Variants in ADAM19 observed in about 807,000 individuals in gnomAD.
The protein encoded by ADAM19 is disintegrin and metalloproteinase domain-containing protein 19.
ADAM19 carries 65 observed loss-of-function variants against 114.7 expected under a neutral mutation model. That is an observed-to-expected ratio of 0.57 (90% CI 0.46 to 0.70). ADAM19 has a LOEUF of 0.70. Among genes scored for constraint, ADAM19 ranks in the 30% least tolerant of loss-of-function variants. The pLI, the probability that ADAM19 is intolerant of heterozygous loss-of-function variation, is 0.00. For missense variants in ADAM19, 1,063 were observed against 1,204.7 expected (o/e 0.88, Z 1.74); for synonymous variants, 466 against 460.5 (o/e 1.01, Z -0.15).
chr5:157,555,139 T>C (rs568136923), intron 3 of ADAM19, among the ~76,000 whole-genome samples: 2 of 152,334 alleles, frequency 1.3e-5, no homozygotes, highest in Non-Finnish European at 2.9e-5. Context: ...TTTCACATCC[T>C]GGCCCTGCTC....
chr5:157,499,289 T>C (rs1191630346), intron 13 of ADAM19, among the ~76,000 whole-genome samples: 1 of 151,446 alleles, frequency 6.6e-6, no homozygotes, highest in African/African-American at 2.4e-5. Flanking sequence ...ATGAGCTCAA[T>C]AAAATCAAGC....
chr5:157,574,794 A>T (rs1757928175), intron 1 of ADAM19, among the ~76,000 whole-genome samples: 1 of 152,204 alleles, frequency 6.6e-6, no homozygotes, highest in Admixed American at 6.5e-5. Context: ...AAACACGGAC[A>T]TCACCCGGCA....
chr5:157,542,742 C>T (rs145699859), intron 3 of ADAM19, among the ~76,000 whole-genome samples: 2,123 of 152,310 alleles, frequency 0.014, 40 homozygotes, highest in African/African-American at 0.048. Context: ...GAGGCGGAAG[C>T]TGCAGTAAGC....
chr5:157,544,533 C>T (rs1363237059), intron 3 of ADAM19, among the ~76,000 whole-genome samples: 3 of 152,190 alleles, frequency 2.0e-5, no homozygotes. Flanking sequence ...CTTCAGGCCT[C>T]CCTCGTGGCT....
In ADAM19 at chr5:157,478,661, A is replaced by T. The variant is rs1477461288; in HGVS notation, c.*2288T>A. On this transcript the variant is annotated 3_prime_UTR_variant, in exon 23 of 23. Transcript: ENST00000257527. ...CCCTGAACAGAGCCAGGAGTGAAGC[A>T]TTAGTAGAACTGGTTGCCGAAAGTC... The T allele has an allele frequency of 2.0e-6, 2 of 985,794 alleles. No homozygotes were observed. The allele number at this position is 985,794 out of a possible 1,614,324, so 61.1% of individuals were successfully genotyped here. A position where few individuals can be genotyped will look rare whatever the true frequency, so the allele number is the denominator to read the frequency against.
intron 7 of ADAM19, among the ~76,000 whole-genome samples, chr5:157,516,040 G>A (rs1009598756): frequency 2.6e-5 from 4 of 152,212 alleles, no homozygotes; most frequent in Non-Finnish European, 5.9e-5. Context: ...TGTCTCTGCA[G>A]CAGGTTATAA....
chr5:157,539,996 C>G (rs886672205), intron 3 of ADAM19, among the ~76,000 whole-genome samples: 1 of 152,216 alleles, frequency 6.6e-6, no homozygotes, highest in Non-Finnish European at 1.5e-5. Context: ...TTCACTGCCT[C>G]TACGGCCGTG....
intron 1 of ADAM19, among the ~76,000 whole-genome samples, chr5:157,572,523 T>C (rs963780145): frequency 6.6e-6 from 1 of 152,160 alleles, no homozygotes; most frequent in Non-Finnish European, 1.5e-5. Flanking sequence ...AGTTGTTCTG[T>C]TAGAGTGGTG....
At chr5:157,532,671 C>T (rs55638884) in intron 4 of ADAM19, among the ~76,000 whole-genome samples, 3 of 152,148 alleles carry the variant, frequency 2.0e-5, no homozygotes, top group Non-Finnish European at 2.9e-5. Context: ...TTTCTCTTTT[C>T]CCCCATCTCT....
At chr5:157,554,451 A>AT (rs748368537) in intron 3 of ADAM19, among the ~76,000 whole-genome samples, 1 of 152,176 alleles carries the variant, frequency 6.6e-6, no homozygotes, top group Non-Finnish European at 1.5e-5. Flanking sequence ...CCAACCTCAT[A>AT]TTGGACAGTT....
intron 3 of ADAM19, among the ~76,000 whole-genome samples, chr5:157,559,285 C>G (rs1210180488): frequency 6.6e-6 from 1 of 152,164 alleles, no homozygotes; most frequent in East Asian, 1.9e-4. Context: ...CTTTCTCAAG[C>G]CATCATCATT....
Position 157,494,726 on chromosome 5 carries a change from CCA to C in ADAM19, c.1662_1663del (p.Cys554TrpfsTer7), listed in dbSNP as rs1487991754. 1 of 1,613,854 alleles carries C rather than the reference CCA, an allele frequency of 6.2e-7. No individual in the cohort carries two copies. Among genetic ancestry groups the C allele is most frequent in the East Asian group, 2.2e-5 (1 of 44,860 alleles). ...CCTGTGTTCACCATTCATGTCCTTT[CCA>C]CAGTTTCCAAAGGTGTCTCCTGCCA... On this transcript the variant is annotated frameshift_variant, in exon 15 of 23. Coordinates refer to ENST00000257527, the MANE Select transcript of ADAM19 (RefSeq NM_033274.5). LOFTEE classifies it high-confidence loss of function.
rs1754718930 is a variant in ADAM19, at chr5:157,480,683, C to G, written c.*266G>C. On this transcript the variant is annotated 3_prime_UTR_variant, in exon 23 of 23. Coordinates refer to ENST00000257527, the MANE Select transcript of ADAM19 (RefSeq NM_033274.5). The stretch of plus-strand genomic sequence containing the variant: ...AGTCTGGAGGAGAAGCTGCCAGTCA[C>G]CCTCCTCATACTCTCCCCTCCCTAC... 2.4e-6 allele frequency: 3 copies of G among 1,265,368 alleles called. No individual in the cohort carries two copies. Among genetic ancestry groups the G allele is most frequent in the Non-Finnish European group, 3.0e-6 (3 of 1,001,124 alleles). The allele number at this position is 1,265,368 out of a possible 1,614,324, so 78.4% of individuals were successfully genotyped here.
chr5:157,575,538 C>A, intron 1 of ADAM19, 65 bp downstream of exon 1: 3 of 1,246,104 alleles, frequency 2.4e-6, no homozygotes, highest in Non-Finnish European at 3.2e-6. Context: ...GCGCTCCGGA[C>A]CCGCAAGGCT....
intron 3 of ADAM19, among the ~76,000 whole-genome samples, chr5:157,539,215 G>T (rs960928673): frequency 4.6e-5 from 7 of 151,920 alleles, no homozygotes; most frequent in Admixed American, 2.6e-4. Context: ...ATTATCTCAG[G>T]GGTTGCAGAA....
intron 15 of ADAM19, among the ~76,000 whole-genome samples, chr5:157,494,263 A>AGATG (rs60209034): frequency 0.2 from 30,255 of 150,906 alleles, 3,195 homozygotes; most frequent in African/African-American, 0.28. Flanking sequence ...ATGGATGGAT[A>AGATG]GATGGATGGA....
chr5:157,557,343 C>G (rs1359176390), intron 3 of ADAM19, among the ~76,000 whole-genome samples: 1 of 152,206 alleles, frequency 6.6e-6, no homozygotes, highest in African/African-American at 2.4e-5. Flanking sequence ...ATCTGTTCTA[C>G]TCTATGGATT....
chr5:157,513,734 T>A (rs577170068), intron 7 of ADAM19, among the ~76,000 whole-genome samples: 2 of 152,196 alleles, frequency 1.3e-5, no homozygotes, highest in African/African-American at 2.4e-5. Context: ...ACAGTAGGCA[T>A]GCAATAATTA....
chr5:157,480,579 T>G lies in ADAM19; in HGVS notation c.*370A>C. 4.6e-6 allele frequency: 5 copies of G among 1,082,826 alleles called. No homozygotes were observed. The highest frequency in any genetic ancestry group is 5.6e-6 in the Non-Finnish European group (5 of 889,810). The allele number at this position is 1,082,826 out of a possible 1,614,324, so 67.1% of individuals were successfully genotyped here. A position where few individuals can be genotyped will look rare whatever the true frequency, so the allele number is the denominator to read the frequency against. On this transcript the variant is annotated 3_prime_UTR_variant, in exon 23 of 23. Coordinates refer to ENST00000257527, the MANE Select transcript of ADAM19 (RefSeq NM_033274.5). ...GCGTGCCCTGCACCCCAGGAGTGAATGGATGGCTTCTGCAAGCGAAGTGCT... is the reference window on the plus strand; with the variant it reads ...GCGTGCCCTGCACCCCAGGAGTGAAGGGATGGCTTCTGCAAGCGAAGTGCT...
Sources: gnomAD v4.1 joint callset for allele counts (sites outside exome capture counted in the v4.1 genomes callset) on GRCh38, gnomAD v4.1.1 for gene constraint, MANE v1.5 for transcripts, NCBI Gene and HGNC (gene_info 2026-07-23, HGNC 2026-07-21) for gene names.